The following RAE1 variants were observed in gnomAD, a reference collection of about 807,000 sequenced individuals.
RAE1 encodes the protein mRNA export factor RAE1.
Under a neutral mutation model 52.7 loss-of-function variants are expected in RAE1, and 13 were observed. That is an observed-to-expected ratio of 0.25 (90% CI 0.16 to 0.39). RAE1 has a LOEUF of 0.39. Among genes scored for constraint, RAE1 ranks in the 10% least tolerant of loss-of-function variants. The probability of loss-of-function intolerance (pLI) is 1.00; values close to 1 mark genes in which losing one functional copy is unlikely to be tolerated. For synonymous variants in RAE1, 164 were observed against 153.1 expected (o/e 1.07, Z -0.52); for missense variants, 262 against 459.8 (o/e 0.57, Z 3.93).
In RAE1 at chr20:57,378,170, C is replaced by T; in HGVS notation, c.*71C>T. 1 of 1,282,952 alleles carries T rather than the reference C, an allele frequency of 7.8e-7. No individual in the cohort carries two copies. The highest frequency in any genetic ancestry group is 1.1e-6 in the Non-Finnish European group (1 of 921,728). 79.5% of individuals were successfully genotyped at this position (1,282,952 alleles called of 1,614,324 possible). ...CCTCATCTCTGTACGAATTTGGGTC[C>T]CAGCCTTGTTGGGTTGTCAGCCATG... On this transcript the variant is annotated 3_prime_UTR_variant, in exon 12 of 12. Transcript: ENST00000395841.
chr20:57,373,345 G>T, intron 8 of RAE1, 130 bp from the exon 9 acceptor site: 1 of 801,348 alleles, frequency 1.2e-6, no homozygotes, highest in Non-Finnish European at 2.0e-6. Flanking sequence ...GCTTACTGCT[G>T]TATCATATTT....
At chr20:57,374,492 G>A (rs1398935514) in intron 10 of RAE1, 115 bp from the exon 11 acceptor site, 1 of 963,500 alleles carries the variant, frequency 1.0e-6, no homozygotes, top group Middle Eastern at 2.3e-4. Flanking sequence ...GGCAGCAGCT[G>A]GAAGGAAATG....
chr20:57,372,082 A>G (rs1435566284), intron 8 of RAE1: 1 of 152,260 alleles, frequency 6.6e-6, no homozygotes, highest in Admixed American at 6.5e-5. Context: ...AGAATGTTCT[A>G]GAGATATGCC....
At position 57,354,826 on chromosome 20, in the gene RAE1, C is replaced by T. The variant is rs1332836184; in HGVS notation, c.195+10C>T. On this transcript the variant is annotated intron_variant, in intron 3 of 11. Transcript: ENST00000395841. ...ATCATGGGCTAATGATGTAAGTGCT[C>T]CTTAAATACGTGTTCTAGAAATCAT... The T allele has an allele frequency of 6.4e-7, 1 of 1,552,220 alleles. No homozygotes were observed. The highest frequency in any genetic ancestry group is 8.7e-7 in the Non-Finnish European group (1 of 1,143,544).
At chr20:57,364,416 T>A (rs1265457933) in intron 4 of RAE1, among the ~76,000 whole-genome samples, 1 of 152,210 alleles carries the variant, frequency 6.6e-6, no homozygotes, top group Admixed American at 6.5e-5. Context: ...TACCTTTCCT[T>A]TGCTGTGTTT....
chr20:57,357,499 G>A lies in RAE1; in HGVS notation c.288+961G>A, dbSNP rs1462296869. On this transcript the variant is annotated intron_variant, in intron 4 of 11. Coordinates refer to ENST00000395841, the MANE Select transcript of RAE1 (RefSeq NM_003610.4). ...GCATCTGCAAAATGCTAATGTAAGT[G>A]GTAGGAGTTTTCTCATAAAAGATGT... 3 of 152,202 alleles carry A rather than the reference G, an allele frequency of 2.0e-5. No homozygotes were observed. In the East Asian group the frequency reaches 5.8e-4, roughly 29 times the overall value. The allele number at this position is 152,202 out of a possible 1,614,324, so 9.4% of individuals were successfully genotyped here. A position where few individuals can be genotyped will look rare whatever the true frequency, so the allele number is the denominator to read the frequency against.
chr20:57,376,575 T>G (rs752345849), intron 11 of RAE1, among the ~76,000 whole-genome samples: 1 of 152,248 alleles, frequency 6.6e-6, no homozygotes, highest in Non-Finnish European at 1.5e-5. Flanking sequence ...CCGTTACTTT[T>G]CAGTGCTGGG....
At position 57,378,456 on chromosome 20, in the gene RAE1, C is replaced by G. The variant is rs1192888258; in HGVS notation, c.*357C>G. 1 of 190,972 alleles carries G rather than the reference C, an allele frequency of 5.2e-6. No individual in the cohort carries two copies. The highest frequency in any genetic ancestry group is 1.1e-5 in the Non-Finnish European group (1 of 93,436). 11.8% of individuals were successfully genotyped at this position (190,972 alleles called of 1,614,324 possible). On this transcript the variant is annotated 3_prime_UTR_variant, in exon 12 of 12. Transcript: ENST00000395841. ...TTGTAATAAAGTCTTTTGCAGATTG[C>G]TTCCCGAGCTTCCTTTGTCCTTTTC...
chr20:57,374,560 C>T (rs1321902919), intron 10 of RAE1, 47 bp from the exon 11 acceptor site: 2 of 1,547,674 alleles, frequency 1.3e-6, no homozygotes, highest in African/African-American at 2.7e-5. Flanking sequence ...GGAACCTTCT[C>T]TGCGCCCCTC....
In RAE1 at chr20:57,379,134, G is replaced by A. The variant is rs1184485073; in HGVS notation, c.*1035G>A. On this transcript the variant is annotated 3_prime_UTR_variant, in exon 12 of 12. Coordinates refer to ENST00000395841, the MANE Select transcript of RAE1 (RefSeq NM_003610.4). ...TTGCTGAGTGTAAAATTCTAGTATC[G>A]ATAGTGTTGTAAGATGTGTTTGCCT... 2.0e-5 allele frequency: 3 copies of A among 152,146 alleles called. No homozygotes were observed. Among genetic ancestry groups the A allele is most frequent in the South Asian group, 2.1e-4 (1 of 4,824 alleles). 9.4% of individuals were successfully genotyped at this position (152,146 alleles called of 1,614,324 possible). A position where few individuals can be genotyped will look rare whatever the true frequency, so the allele number is the denominator to read the frequency against.
At chr20:57,353,248 A>G (rs2146123766) in intron 1 of RAE1, among the ~76,000 whole-genome samples, 2 of 152,344 alleles carry the variant, frequency 1.3e-5, no homozygotes, top group East Asian at 3.9e-4. Flanking sequence ...TGAACTAGAT[A>G]CTGCATTTTC....
intron 4 of RAE1, among the ~76,000 whole-genome samples, chr20:57,360,639 C>T (rs571716065): frequency 1.2e-4 from 18 of 152,160 alleles, no homozygotes; most frequent in Middle Eastern, 3.2e-3. Flanking sequence ...AAGCTACTTT[C>T]GTAGTATGTT....
In RAE1 at chr20:57,356,472, T is replaced by C. The variant is rs746723004; in HGVS notation, c.222T>C (p.Ser74=). ...TTCGCTGCTGGGAAGTTCAAGACAG[T>C]GGACAGACCATTCCAAAAGCCCAGC... is the stretch of plus-strand genomic sequence containing the variant. ...NDVRCWEVQD[S]GQTIPKAQQM... Residue 74 remains serine, a synonymous_variant, in exon 4 of 12, where the codon AGT becomes AGC. Coordinates refer to ENST00000395841, the MANE Select transcript of RAE1 (RefSeq NM_003610.4). The C allele has an allele frequency of 3.2e-5, 51 of 1,612,970 alleles. No homozygotes were observed. Among genetic ancestry groups the C allele is most frequent in the African/African-American group, 5.3e-5 (4 of 74,924 alleles).
At chr20:57,370,953 TCCATCTCCTTTGTTATAG>T (rs1174117312) in intron 8 of RAE1, among the ~76,000 whole-genome samples, 3 of 152,202 alleles carry the variant, frequency 2.0e-5, no homozygotes, top group African/African-American at 7.2e-5. Flanking sequence ...CAATGGGACC[TCCATCTCCTTTGTTATAG>T]CCAGAAATCT....
chr20:57,361,566 C>G (rs527403431), intron 4 of RAE1, among the ~76,000 whole-genome samples: 2 of 152,246 alleles, frequency 1.3e-5, no homozygotes, highest in South Asian at 2.1e-4. Flanking sequence ...GCGTGAGCAT[C>G]TATTGATTAA....
At position 57,367,005 on chromosome 20, in the gene RAE1, T is replaced by C. The variant is rs749386835; in HGVS notation, c.463-3T>C. On this transcript the variant is annotated splice_region_variant and splice_polypyrimidine_tract_variant and intron_variant, in intron 6 of 11. Coordinates refer to ENST00000395841, the MANE Select transcript of RAE1 (RefSeq NM_003610.4). Reference sequence around the variant, plus strand: ...CATACTGGCTTCTCTTTTTTGCTTTTAGTTTTGGGATACTCGATCGTCAAA... The same window carrying C: ...CATACTGGCTTCTCTTTTTTGCTTTCAGTTTTGGGATACTCGATCGTCAAA... 1.2e-6 allele frequency: 2 copies of C among 1,608,626 alleles called. No homozygotes were observed. The highest frequency in any genetic ancestry group is 1.7e-5 in the Admixed American group (1 of 60,028).
In RAE1 at chr20:57,354,171, CAG is replaced by C. The variant is rs535759649; in HGVS notation, c.90+46_90+47del. On this transcript the variant is annotated intron_variant, in intron 2 of 11. Transcript: ENST00000395841. The stretch of plus-strand genomic sequence containing the variant: ...CTGGGGCTTGTAGGAAGAGTTTGGG[CAG>C]AGTTTCTCCCATCAAGGACAGAACC... The C allele has an allele frequency of 2.6e-4, 410 of 1,547,834 alleles. 1 individual carries two copies. The African/African-American group carries it at 4.7e-3, about 18-fold the overall frequency.
At chr20:57,376,664 G>A (rs776182561) in intron 11 of RAE1, among the ~76,000 whole-genome samples, 1 of 152,212 alleles carries the variant, frequency 6.6e-6, no homozygotes, top group Non-Finnish European at 1.5e-5. Flanking sequence ...TGACAAGAGT[G>A]TACTTTTTTG....
chr20:57,369,347 A>G (rs570621202), intron 8 of RAE1, among the ~76,000 whole-genome samples: 2 of 152,272 alleles, frequency 1.3e-5, no homozygotes, highest in South Asian at 2.1e-4. Flanking sequence ...TGGTCTTGTT[A>G]ATGTGGAGGA....
Sources: gnomAD v4.1 joint callset for allele counts (sites outside exome capture counted in the v4.1 genomes callset) on GRCh38, gnomAD v4.1.1 for gene constraint, MANE v1.5 for transcripts, NCBI Gene and HGNC (gene_info 2026-07-23, HGNC 2026-07-21) for gene names.